UPRT: variants seen among roughly 807,000 people sequenced by gnomAD.
UPRT encodes the protein uracil phosphoribosyltransferase homolog.
UPRT carries 5 observed loss-of-function variants against 22.6 expected under a neutral mutation model. The observed-to-expected ratio is 0.22, with a 90% CI of 0.12 to 0.47. The LOEUF is 0.47. Among genes scored for constraint, UPRT ranks in the 20% least tolerant of loss-of-function variants. UPRT has a pLI of 0.99. For missense variants in UPRT, 181 were observed against 239.9 expected, an observed-to-expected ratio of 0.75 and a Z score of 1.62; for synonymous variants, 77 against 87.7, an observed-to-expected ratio of 0.88 and a Z score of 0.68.
chrX:75,175,975 C>T (rs1186862650), intron 4 of UPRT, among the ~76,000 whole-genome samples: 1 of 111,390 alleles, frequency 9.0e-6, no homozygotes, highest in African/African-American at 3.3e-5. Flanking sequence ...GGAGCTTTCT[C>T]CTGATATCTG....
chrX:75,237,871 C>T (rs1220764124), intron 4 of UPRT, among the ~76,000 whole-genome samples: 1 of 107,808 alleles, frequency 9.3e-6, no homozygotes. Flanking sequence ...GTGGGTGCAG[C>T]GCACTAGCAT....
chrX:75,237,201 C>G (rs1318716121), intron 4 of UPRT, among the ~76,000 whole-genome samples: 6 of 112,268 alleles, frequency 5.3e-5, no homozygotes, highest in East Asian at 2.8e-4. Context: ...TGAAAAAATG[C>G]TCACCATCAC....
chrX:75,255,381 G>T (rs2082546423), intron 4 of UPRT, among the ~76,000 whole-genome samples: 1 of 111,694 alleles, frequency 9.0e-6, no homozygotes, highest in African/African-American at 3.3e-5. Flanking sequence ...ACAAATCCTG[G>T]AAACACATCA....
intron 1 of UPRT, among the ~76,000 whole-genome samples, chrX:75,284,854 A>G (rs182201078): frequency 1.8e-5 from 2 of 111,602 alleles, no homozygotes; most frequent in Admixed American, 9.4e-5. Context: ...GTGGGGCCCT[A>G]GAAATCCTAA....
At chrX:75,179,868 G>A (rs776637106) in intron 4 of UPRT, among the ~76,000 whole-genome samples, 15 of 112,853 alleles carry the variant, frequency 1.3e-4, no homozygotes, top group African/African-American at 4.5e-4. Flanking sequence ...CGCAAGCGCC[G>A]CATGCAGCCC....
At position 75,276,875 on chromosome X, in the gene UPRT, G is replaced by A. The variant is rs141468069; in HGVS notation, c.386+2235G>A. 2.2e-4 allele frequency among the ~76,000 whole-genome samples: 24 copies of A among 111,315 alleles called. No homozygotes were observed. In the East Asian group the frequency reaches 6.5e-3, roughly 30 times the overall value. On this transcript the variant is annotated intron_variant, in intron 1 of 6. Transcript: ENST00000373383. ...CAAGAAACCTCATGCCCATTAAACA[G>A]TCACTCCCCATTTTCACCCAACCCA...
intron 6 of UPRT, among the ~76,000 whole-genome samples, chrX:75,302,076 A>G (rs754234625): frequency 9.0e-6 from 1 of 111,436 alleles, no homozygotes; most frequent in Admixed American, 9.6e-5. Context: ...GTGTTTTCTC[A>G]TTTCCAAAAT....
rs1371438271 is a variant in UPRT, at chrX:75,275,101, G to A, written c.386+461G>A. ...GCAATTTCAAGGAAATTCTATTCAGGCCCTGACCCTTTAGTATTTGCTACT... is the reference window on the plus strand; with the variant it reads ...GCAATTTCAAGGAAATTCTATTCAGACCCTGACCCTTTAGTATTTGCTACT... On this transcript the variant is annotated intron_variant, in intron 1 of 6. Coordinates refer to ENST00000373383, the MANE Select transcript of UPRT (RefSeq NM_145052.4). Among the ~76,000 whole-genome samples the A allele has an allele frequency of 2.7e-5, 3 of 111,328 alleles. No individual in the cohort carries two copies. In the East Asian group the frequency reaches 8.5e-4, roughly 32 times the overall value.
At chrX:75,280,409 A>G (rs1436297982) in intron 1 of UPRT, among the ~76,000 whole-genome samples, 1 of 112,277 alleles carries the variant, frequency 8.9e-6, no homozygotes, top group Non-Finnish European at 1.9e-5. Context: ...TTCAGGTCTT[A>G]GATTTCAGCC....
chrX:75,230,253 G>A (rs955586778), intron 4 of UPRT, among the ~76,000 whole-genome samples: 1 of 111,438 alleles, frequency 9.0e-6, no homozygotes, highest in African/African-American at 3.3e-5. Context: ...AAAGTGGCCA[G>A]AGCAAGCTCC....
intron 4 of UPRT, among the ~76,000 whole-genome samples, chrX:75,234,988 G>A (rs2082455416): frequency 8.9e-6 from 1 of 111,744 alleles, no homozygotes; most frequent in Admixed American, 9.5e-5. Context: ...AAAAATCAAT[G>A]AATCCAGGAG....
At chrX:75,299,635 C>T in intron 4 of UPRT, 100 bp from the exon 5 acceptor site, 1 of 841,573 alleles carries the variant, frequency 1.2e-6, no homozygotes. Flanking sequence ...CATCTTCCTT[C>T]CTTTTTGTAT....
intron 4 of UPRT, among the ~76,000 whole-genome samples, chrX:75,178,930 T>C (rs1188376355): frequency 8.9e-6 from 1 of 111,884 alleles, no homozygotes; most frequent in Non-Finnish European, 1.9e-5. Flanking sequence ...ATCCTGCTGA[T>C]TGGTAGAGCC....
chrX:75,270,838 G>A (rs2082606059), upstream of UPRT, among the ~76,000 whole-genome samples: 1 of 110,790 alleles, frequency 9.0e-6, no homozygotes, highest in Non-Finnish European at 1.9e-5. Flanking sequence ...AAACCTCCAT[G>A]GCACATGTAT....
intron 4 of UPRT, among the ~76,000 whole-genome samples, chrX:75,250,876 C>T (rs183758694): frequency 3.6e-4 from 40 of 112,048 alleles, no homozygotes; most frequent in African/African-American, 1.2e-3. Context: ...ATCAAGTGGG[C>T]TTCATCCCTG....
intron 1 of UPRT, among the ~76,000 whole-genome samples, chrX:75,282,234 TA>T (rs1259255486): frequency 7.6e-5 from 2 of 26,193 alleles, no homozygotes; most frequent in Non-Finnish European, 3.3e-4. Flanking sequence ...ATTTATCTTA[TA>T]TTTTTTTTTT....
rs754070664 is a variant in UPRT at position 75,303,298 on chromosome X, C to G, written c.824-107C>G. On this transcript the variant is annotated intron_variant, in intron 6 of 6. Transcript: ENST00000373383. ...GATTAGGTATCCAAAGATCATTGCT[C>G]TCTGTCTTCTCTCAATTTTAGACCT... The G allele has an allele frequency of 6.9e-5, 37 of 536,235 alleles. No homozygotes were observed. In the East Asian group the frequency reaches 8.8e-4, roughly 13 times the overall value. 44.2% of individuals were successfully genotyped at this position (536,235 alleles called of 1,213,427 possible).
intron 4 of UPRT, among the ~76,000 whole-genome samples, chrX:75,232,190 G>C: frequency 8.9e-6 from 1 of 112,287 alleles, no homozygotes; most frequent in Admixed American, 9.4e-5. Flanking sequence ...ACGGCACCTG[G>C]AAAATTGGGT....
chrX:75,212,426 G>T, intron 4 of UPRT, among the ~76,000 whole-genome samples: 1 of 111,830 alleles, frequency 8.9e-6, no homozygotes, highest in Non-Finnish European at 1.9e-5. Flanking sequence ...GCCTGCTCCT[G>T]AACTGGGTAA....
Sources: gnomAD v4.1 joint callset for allele counts (sites outside exome capture counted in the v4.1 genomes callset) on GRCh38, gnomAD v4.1.1 for gene constraint, MANE v1.5 for transcripts, NCBI Gene and HGNC (gene_info 2026-07-23, HGNC 2026-07-21) for gene names.